Variants in STYXL2 observed in about 807,000 individuals in gnomAD.
STYXL2 encodes the protein serine/threonine/tyrosine-interacting-like protein 2.
STYXL2 carries 44 observed loss-of-function variants against 52.4 expected under a neutral mutation model. The observed-to-expected ratio is 0.84, with a 90% CI of 0.66 to 1.08. The LOEUF (loss-of-function observed/expected upper bound fraction) is 1.08. Ranked by LOEUF, STYXL2 falls within the 50% of genes least tolerant of loss-of-function variation. STYXL2 has a pLI of 0.00. For missense variants in STYXL2, 1,604 were observed against 1,471.7 expected (o/e 1.09, Z -1.47); for synonymous variants, 604 against 586.9 (o/e 1.03, Z -0.42).
Position 167,126,865 on chromosome 1 carries a change from G to A in STYXL2, c.1734G>A (p.Glu578=), listed in dbSNP as rs749647831. The change falls in exon 6 of 6, where the codon GAG becomes GAA. Residue 578 remains glutamate (E), a synonymous_variant. Transcript: ENST00000361200. ...GEPGAEEAVG[E]KNPSDVSLTA... ...CCGGTGCAGAGGAGGCAGTAGGGGA[G>A]AAGAACCCCTCCGACGTCAGCCTGA... 6.2e-7 allele frequency: 1 copy of A among 1,613,918 alleles called. No individual in the cohort carries two copies. Among genetic ancestry groups the A allele is most frequent in the African/African-American group, 1.3e-5 (1 of 75,048 alleles).
intron 2 of STYXL2, among the ~76,000 whole-genome samples, chr1:167,110,745 C>T (rs1050169075): frequency 3.0e-4 from 46 of 152,164 alleles, no homozygotes; most frequent in Admixed American, 2.7e-3. Flanking sequence ...TCAACCTCAC[C>T]GGTACCTTTA....
At position 167,098,623 on chromosome 1, in the gene STYXL2, A is replaced by T. The variant is rs1225803969; in HGVS notation, c.110+3664A>T. ...ATAATCAGGAGCCTGGATGAGGCAC[A>T]GTGGGGTTAGCCTGTCTTTGCTCCA... On this transcript the variant is annotated intron_variant, in intron 2 of 5. Transcript: ENST00000361200. 5.9e-5 allele frequency among the ~76,000 whole-genome samples: 9 copies of T among 152,220 alleles called. No homozygotes were observed. In the East Asian group the frequency reaches 1.7e-3, roughly 29 times the overall value.
Position 167,129,118 on chromosome 1 carries a change from A to T in STYXL2, c.*510A>T. ...GTTTTGAGTCTCCATTAAAAATGGT[A>T]TGTTGGCAAATAGTTCTTCTTTATT... is the stretch of plus-strand genomic sequence containing the variant. On this transcript the variant is annotated 3_prime_UTR_variant, in exon 6 of 6. Transcript: ENST00000361200. 1 of 153,366 alleles carries T rather than the reference A, an allele frequency of 6.5e-6. No homozygotes were observed. Among genetic ancestry groups the T allele is most frequent in the Non-Finnish European group, 1.4e-5 (1 of 69,062 alleles). The allele number at this position is 153,366 out of a possible 1,614,324, so 9.5% of individuals were successfully genotyped here.
rs756106909 is a variant in STYXL2, at chr1:167,128,228, C to T, written c.3097C>T (p.Arg1033Ter). ...RSTYNETSSS[R>*]EESPEPYFFR... ...CACGTACAACGAGACCTCAAGTTCC[C>T]GAGAGGAGAGCCCAGAGCCCTACTT... is the stretch of plus-strand genomic sequence containing the variant. The change falls in exon 6 of 6, where the codon CGA (arginine) becomes TGA (stop). Residue 1033 changes from arginine (R) to a stop codon, truncating the protein, a stop_gained. Coordinates refer to ENST00000361200, the MANE Select transcript of STYXL2 (RefSeq NM_001080426.3). LOFTEE classifies it high-confidence loss of function. The T allele has an allele frequency of 3.1e-5, 50 of 1,614,040 alleles. No homozygotes were observed. The highest frequency in any genetic ancestry group is 4.2e-5 in the Non-Finnish European group (49 of 1,180,036).
rs928189255 is a variant in STYXL2, at chr1:167,094,208, T to A, written c.-17+14T>A. The A allele has an allele frequency of 1.3e-5, 2 of 152,494 alleles. No homozygotes were observed. Among genetic ancestry groups the A allele is most frequent in the African/African-American group, 4.8e-5 (2 of 41,446 alleles). The allele number at this position is 152,494 out of a possible 1,614,324, so 9.4% of individuals were successfully genotyped here. ...GGCAGGTTAGAGGTGAGTGTGCTTCTCCCCTTGTCAATCCTGGTGAGCCCA... is the reference window on the plus strand; with the variant it reads ...GGCAGGTTAGAGGTGAGTGTGCTTCACCCCTTGTCAATCCTGGTGAGCCCA... On this transcript the variant is annotated intron_variant, in intron 1 of 5. Transcript: ENST00000361200.
At position 167,125,898 on chromosome 1, in the gene STYXL2, G is replaced by A. The variant is rs755991764; in HGVS notation, c.767G>A (p.Arg256His). Reference protein sequence around the residue: ...MAILEALMTVRKKRAIYPNEG... With the variant: ...MAILEALMTVHKKRAIYPNEG... Reference sequence around the variant, plus strand: ...ATCCTGGAGGCTTTGATGACCGTGCGTAAGAAGCGGGCCATCTACCCCAAT... The same window carrying A: ...ATCCTGGAGGCTTTGATGACCGTGCATAAGAAGCGGGCCATCTACCCCAAT... Residue 256 changes from arginine (R) to histidine (H), a missense_variant, in exon 6 of 6, where the codon CGT becomes CAT. Arg to His is a conservative substitution (Grantham distance 29). Transcript: ENST00000361200. The A allele has an allele frequency of 1.6e-5, 26 of 1,614,120 alleles. No individual in the cohort carries two copies. The highest frequency in any genetic ancestry group is 1.7e-4 in the Middle Eastern group (1 of 6,058).
chr1:167,097,242 T>C (rs1234265862), intron 2 of STYXL2, among the ~76,000 whole-genome samples: 1 of 152,228 alleles, frequency 6.6e-6, no homozygotes, highest in Non-Finnish European at 1.5e-5. Context: ...GTCCTGTTTA[T>C]GAAAATTTGG....
At position 167,117,516 on chromosome 1, in the gene STYXL2, A is replaced by C. The variant is rs755613898; in HGVS notation, c.394A>C (p.Asn132His). The stretch of plus-strand genomic sequence containing the variant: ...TCAGGATCGCCAAGAGGCGCCCTGG[A>C]ATGAGGTGGATGAGGTCTGGCCCAA... Reference protein sequence around the residue: ...LVQDRQEAPWNEVDEVWPNVF... With the variant: ...LVQDRQEAPWHEVDEVWPNVF... The change falls in exon 4 of 6, where the codon AAT becomes CAT. Residue 132 changes from asparagine (N) to histidine (H), a missense_variant. Physicochemically the swap from Asn to His is moderately conservative, Grantham distance 68 (BLOSUM62 1). Transcript: ENST00000361200. 4.3e-6 allele frequency: 7 copies of C among 1,609,800 alleles called. No individual in the cohort carries two copies. Among genetic ancestry groups the C allele is most frequent in the Non-Finnish European group, 5.9e-6 (7 of 1,178,086 alleles).
At position 167,128,592 on chromosome 1, in the gene STYXL2, A is replaced by C; in HGVS notation, c.3461A>C (p.Lys1154Thr). Residue 1154 changes from lysine (K) to threonine (T), a missense_variant, in exon 6 of 6, where the codon AAA (lysine) becomes ACA (threonine). Coordinates refer to ENST00000361200, the MANE Select transcript of STYXL2 (RefSeq NM_001080426.3). The part of the protein sequence containing the change: ...RQEETRTKLQ[K>T]RRED ...GAAGAAACCAGGACCAAGCTGCAGA[A>C]AAGGAGGGAGGACTGAGCTGGGGAA... The C allele has an allele frequency of 6.2e-7, 1 of 1,612,322 alleles. No homozygotes were observed. The highest frequency in any genetic ancestry group is 1.7e-5 in the Admixed American group (1 of 59,920).
At position 167,125,783 on chromosome 1, in the gene STYXL2, T is replaced by G; in HGVS notation, c.656-4T>G. ...CATCATTTTCTCTTGTGTTTTCATT[T>G]CAGGGAAAGTCCTGGTCAGCAGCGA... On this transcript the variant is annotated splice_polypyrimidine_tract_variant and splice_region_variant and intron_variant, in intron 5 of 5. Coordinates refer to ENST00000361200, the MANE Select transcript of STYXL2 (RefSeq NM_001080426.3). The G allele has an allele frequency of 1.3e-6, 2 of 1,574,502 alleles. No homozygotes were observed. Among genetic ancestry groups the G allele is most frequent in the Non-Finnish European group, 1.7e-6 (2 of 1,161,632 alleles).
At position 167,126,856 on chromosome 1, in the gene STYXL2, A is replaced by G. The variant is rs1214832797; in HGVS notation, c.1725A>G (p.Ala575=). Residue 575 remains alanine (A), a synonymous_variant, in exon 6 of 6, where the codon GCA becomes GCG. Transcript: ENST00000361200. ...DSSGEPGAEE[A]VGEKNPSDVS... ...GCGGTGAGCCCGGTGCAGAGGAGGC[A>G]GTAGGGGAGAAGAACCCCTCCGACG... 2.5e-6 allele frequency: 4 copies of G among 1,614,108 alleles called. No homozygotes were observed. In the South Asian group the frequency reaches 3.3e-5, roughly 13 times the overall value.
chr1:167,097,642 A>C (rs1210525401), intron 2 of STYXL2, among the ~76,000 whole-genome samples: 1 of 152,128 alleles, frequency 6.6e-6, no homozygotes, highest in African/African-American at 2.4e-5. Context: ...GAAAGTAGAG[A>C]AAAAGAATAC....
At position 167,127,450 on chromosome 1, in the gene STYXL2, A is replaced by G; in HGVS notation, c.2319A>G (p.Gly773=). 1.2e-6 allele frequency: 2 copies of G among 1,614,054 alleles called. No individual in the cohort carries two copies. The highest frequency in any genetic ancestry group is 1.7e-6 in the Non-Finnish European group (2 of 1,179,976). Residue 773 remains glycine, a synonymous_variant, in exon 6 of 6, where the codon GGA becomes GGG. Transcript: ENST00000361200. ...LGDDQVSMLS[G]HSSSSLGGCL... ...ATGACCAAGTCTCCATGCTTAGTGG[A>G]CACAGCAGCTCCTCCTTGGGTGGCT... is the stretch of plus-strand genomic sequence containing the variant.
rs764892338 is a variant in STYXL2, at chr1:167,126,062, G to A, written c.931G>A (p.Ala311Thr). Residue 311 changes from alanine (A) to threonine (T), a missense_variant, in exon 6 of 6, where the codon GCC becomes ACC. Coordinates refer to ENST00000361200, the MANE Select transcript of STYXL2 (RefSeq NM_001080426.3). Reference protein sequence around the residue: ...TGSMLGARVHALTVEEEDDSA... With the variant: ...TGSMLGARVHTLTVEEEDDSA... ...GAGCATGCTCGGGGCCAGAGTGCACGCCCTGACGGTGGAAGAGGAGGACGA... is the reference window on the plus strand; with the variant it reads ...GAGCATGCTCGGGGCCAGAGTGCACACCCTGACGGTGGAAGAGGAGGACGA... 4.5e-5 allele frequency: 70 copies of A among 1,553,350 alleles called. No homozygotes were observed. The highest frequency in any genetic ancestry group is 1.6e-4 in the Admixed American group (8 of 51,068).
intron 3 of STYXL2, among the ~76,000 whole-genome samples, chr1:167,116,036 C>T (rs1405609000): frequency 6.6e-6 from 1 of 152,142 alleles, no homozygotes; most frequent in Admixed American, 6.5e-5. Context: ...TCTGCAGCCC[C>T]CACCCAGAGA....
In STYXL2 at chr1:167,127,144, T is replaced by C. The variant is rs755017675; in HGVS notation, c.2013T>C (p.Ala671=). ...AFWSADPSVS[A]DGDTTSVLST... ...GGTCTGCAGACCCCTCAGTCAGCGC[T>C]GATGGGGACACGACGTCAGTACTGA... The change falls in exon 6 of 6, where the codon GCT becomes GCC. Residue 671 remains alanine (A), a synonymous_variant. Coordinates refer to ENST00000361200, the MANE Select transcript of STYXL2 (RefSeq NM_001080426.3). The C allele has an allele frequency of 3.7e-6, 6 of 1,614,036 alleles. No individual in the cohort carries two copies. In the South Asian group the frequency reaches 6.6e-5, roughly 18 times the overall value.
chr1:167,119,506 G>A lies in STYXL2; in HGVS notation c.655+40G>A, dbSNP rs111466001. The A allele has an allele frequency of 2.5e-5, 39 of 1,568,542 alleles. No homozygotes were observed. In the Admixed American group the frequency reaches 3.5e-4, roughly 14 times the overall value. Reference sequence around the variant, plus strand: ...CCGCTCCAGGCTGCTGGAATTCCACGGGGGAAAAGTAATGTGGGGAATGTT... The same window carrying A: ...CCGCTCCAGGCTGCTGGAATTCCACAGGGGAAAAGTAATGTGGGGAATGTT... On this transcript the variant is annotated intron_variant, in intron 5 of 5. Transcript: ENST00000361200.
rs1036497315 is a variant in STYXL2 at position 167,119,611 on chromosome 1, A to G, written c.655+145A>G. On this transcript the variant is annotated intron_variant, in intron 5 of 5. Transcript: ENST00000361200. ...TTTCTCTAAGAAAAGGAGAAAAGAC[A>G]GGATAATCATTCATCCAGTAAGTAA... The G allele has an allele frequency of 3.0e-5, 21 of 706,052 alleles. No homozygotes were observed. In the Admixed American group the frequency reaches 4.2e-4, roughly 14 times the overall value. The allele number at this position is 706,052 out of a possible 1,614,324, so 43.7% of individuals were successfully genotyped here.
chr1:167,123,575 A>C (rs560054872), intron 5 of STYXL2, among the ~76,000 whole-genome samples: 133 of 152,328 alleles, frequency 8.7e-4, no homozygotes, highest in African/African-American at 3.1e-3. Context: ...CGAGAGGAGA[A>C]AAAAGACAAG....
Sources: allele counts gnomAD v4.1 joint callset (sites outside exome capture counted in the v4.1 genomes callset), GRCh38; gene constraint gnomAD v4.1.1; transcripts MANE v1.5; gene names NCBI Gene and HGNC (gene_info 2026-07-23, HGNC 2026-07-21).